OR11A1: variants seen among roughly 807,000 people sequenced by gnomAD.
OR11A1 encodes the protein olfactory receptor family 11 subfamily A member 1, also known as olfactory receptor 11A1.
For synonymous variants in OR11A1, 158 were observed against 152.2 expected (o/e 1.04, Z -0.28); for missense variants, 380 against 378.2 (o/e 1.00, Z -0.04).
intron 1 of OR11A1, chr6:29,441,049 G>A (rs542565955): frequency 5.0e-6 from 4 of 801,518 alleles, no homozygotes; most frequent in Non-Finnish European, 5.9e-6. Context: ...TTCACATTAG[G>A]GGAGGGCCAG....
At chr6:29,434,811 G>A (rs979493298) in intron 1 of OR11A1, among the ~76,000 whole-genome samples, 1 of 152,208 alleles carries the variant, frequency 6.6e-6, no homozygotes, top group African/African-American at 2.4e-5. Flanking sequence ...TAATCCTGGG[G>A]TATAAATGAA....
At chr6:29,429,799 G>A (rs1161697399) in intron 3 of OR11A1, among the ~76,000 whole-genome samples, 1 of 152,156 alleles carries the variant, frequency 6.6e-6, no homozygotes, top group Non-Finnish European at 1.5e-5. Context: ...GGAAGACAGG[G>A]AGAGAAAGGG....
At chr6:29,435,931 A>G (rs2151374396) in intron 1 of OR11A1, among the ~76,000 whole-genome samples, 1 of 152,356 alleles carries the variant, frequency 6.6e-6, no homozygotes, top group East Asian at 1.9e-4. Flanking sequence ...CACTTGATTC[A>G]TAATCCCTGG....
intron 1 of OR11A1, among the ~76,000 whole-genome samples, chr6:29,435,930 C>T (rs1201506597): frequency 6.6e-6 from 1 of 152,200 alleles, no homozygotes; most frequent in African/African-American, 2.4e-5. Context: ...TCACTTGATT[C>T]ATAATCCCTG....
chr6:29,440,890 G>A (rs766276149), intron 1 of OR11A1: 14 of 1,613,582 alleles, frequency 8.7e-6, no homozygotes, highest in East Asian at 4.5e-5. Context: ...TACAGCCTGC[G>A]GAACACAGAG....
chr6:29,446,292 C>T (rs1204981188), intron 1 of OR11A1, among the ~76,000 whole-genome samples: 8 of 152,176 alleles, frequency 5.3e-5, no homozygotes, highest in Non-Finnish European at 1.2e-4. Context: ...GCAGCCCAGA[C>T]CCACTTCCTC....
At chr6:29,450,056 T>C (rs1214093135) in intron 1 of OR11A1, among the ~76,000 whole-genome samples, 1 of 152,236 alleles carries the variant, frequency 6.6e-6, no homozygotes, top group East Asian at 1.9e-4. Flanking sequence ...CTCCAACTTT[T>C]CTAGCTTTCT....
At chr6:29,428,072 A>T in intron 4 of OR11A1, 1 of 294,124 alleles carries the variant, frequency 3.4e-6, no homozygotes, top group Non-Finnish European at 5.2e-6. Context: ...ACAACTGCAA[A>T]CTCTTCTATC....
intron 1 of OR11A1, among the ~76,000 whole-genome samples, chr6:29,435,711 T>G (rs1168821184): frequency 6.6e-6 from 1 of 152,198 alleles, no homozygotes; most frequent in East Asian, 1.9e-4. Context: ...CAAAAACAAA[T>G]TATAGCTCTT....
At chr6:29,430,526 G>T in intron 2 of OR11A1, 101 bp from the exon 3 acceptor site, 1 of 731,790 alleles carries the variant, frequency 1.4e-6, no homozygotes, top group South Asian at 6.2e-5. Context: ...TATCATTGGA[G>T]CTGGAGGCTA....
At chr6:29,440,779 T>C in intron 1 of OR11A1, 2 of 1,613,998 alleles carry the variant, frequency 1.2e-6, no homozygotes, top group Non-Finnish European at 1.7e-6. Flanking sequence ...GGCACCGCAC[T>C]CTTTATCTAT....
At chr6:29,449,080 A>G (rs1785069781) in intron 1 of OR11A1, among the ~76,000 whole-genome samples, 1 of 152,240 alleles carries the variant, frequency 6.6e-6, no homozygotes, top group Admixed American at 6.5e-5. Context: ...AATGATGAAT[A>G]GAAAGCACAG....
intron 1 of OR11A1, chr6:29,440,520 G>A: frequency 5.6e-6 from 9 of 1,613,658 alleles, no homozygotes; most frequent in Non-Finnish European, 7.6e-6. Flanking sequence ...GCCCTTCTGC[G>A]GCCCCAATAC....
intron 1 of OR11A1, among the ~76,000 whole-genome samples, chr6:29,438,819 A>T (rs1291668259): frequency 6.6e-6 from 1 of 151,990 alleles, no homozygotes; most frequent in Non-Finnish European, 1.5e-5. Context: ...TCCACTATGT[A>T]GATAAAAAAG....
chr6:29,434,085 TCATTTACAAATATTTTCTCTCAAC>T (rs1783458791), intron 1 of OR11A1, among the ~76,000 whole-genome samples: 1 of 152,176 alleles, frequency 6.6e-6, no homozygotes, highest in Non-Finnish European at 1.5e-5. Context: ...CTTACATGTA[TCATTTACAAATATTTTCTCTCAAC>T]CTGTGGGTTG....
intron 1 of OR11A1, among the ~76,000 whole-genome samples, chr6:29,436,851 C>T (rs571467231): frequency 1.3e-5 from 2 of 152,188 alleles, no homozygotes; most frequent in African/African-American, 4.8e-5. Flanking sequence ...AGATAAAATA[C>T]GGAATTCAGT....
intron 1 of OR11A1, among the ~76,000 whole-genome samples, chr6:29,434,612 A>T (rs57436965): frequency 6.6e-6 from 1 of 152,216 alleles, no homozygotes; most frequent in East Asian, 1.9e-4. Flanking sequence ...ACACAACTTC[A>T]GAGATAATTC....
Position 29,427,732 on chromosome 6 carries a change from G to T in OR11A1, c.-91C>A. The stretch of plus-strand genomic sequence containing the variant: ...CTATACCAAGCCTAACGTTATTAGA[G>T]CTAAAACAAAACAAAACAAAAAAGA... On this transcript the variant is annotated splice_region_variant and 5_prime_UTR_variant, in exon 5 of 5. Transcript: ENST00000377149. The T allele has an allele frequency of 6.8e-7, 1 of 1,475,318 alleles. No individual in the cohort carries two copies. The allele number at this position is 1,475,318 out of a possible 1,614,324, so 91.4% of individuals were successfully genotyped here. A position where few individuals can be genotyped will look rare whatever the true frequency, so the allele number is the denominator to read the frequency against.
chr6:29,448,089 T>A lies in OR11A1; in HGVS notation c.-389+8898A>T, dbSNP rs184559557. ...TGGAGTACAGTGGTGTGATCTCGGCTCACTGCAACCTCCGCCTCCTGGGTT... is the reference window on the plus strand; with the variant it reads ...TGGAGTACAGTGGTGTGATCTCGGCACACTGCAACCTCCGCCTCCTGGGTT... On this transcript the variant is annotated intron_variant, in intron 1 of 4. Coordinates refer to ENST00000377149, the MANE Select transcript of OR11A1 (RefSeq NM_001394828.1). Among the ~76,000 whole-genome samples, 1,171 of 139,084 alleles carry A rather than the reference T, an allele frequency of 8.4e-3. 14 individuals carry two copies. Among genetic ancestry groups the A allele is most frequent in the East Asian group, 0.03 (128 of 4,312 alleles). 91.2% of individuals were successfully genotyped at this position (139,084 alleles called of 152,430 possible). A position where few individuals can be genotyped will look rare whatever the true frequency, so the allele number is the denominator to read the frequency against.
Sources: allele counts gnomAD v4.1 joint callset (sites outside exome capture counted in the v4.1 genomes callset), GRCh38; gene constraint gnomAD v4.1.1; transcripts MANE v1.5; gene names NCBI Gene and HGNC (gene_info 2026-07-23, HGNC 2026-07-21).